The following BBS9 variants were observed in gnomAD, a reference collection of about 807,000 sequenced individuals.
BBS9 encodes protein PTHB1.
A neutral mutation model predicts 117.7 loss-of-function variants in BBS9; 89 were observed. The observed-to-expected ratio is 0.76, with a 90% CI of 0.64 to 0.90. The LOEUF (loss-of-function observed/expected upper bound fraction) is 0.90. BBS9 is among the 40% of genes least tolerant of loss of function. The probability of loss-of-function intolerance (pLI) is 0.00; values close to 1 mark genes in which losing one functional copy is unlikely to be tolerated. For synonymous variants in BBS9, 379 were observed against 370.9 expected, an observed-to-expected ratio of 1.02 and a Z score of -0.25; for missense variants, 982 against 1,042.2, an observed-to-expected ratio of 0.94 and a Z score of 0.80.
chr7:33,441,540 A>T (rs1836188232), intron 19 of BBS9, among the ~76,000 whole-genome samples: 1 of 152,214 alleles, frequency 6.6e-6, no homozygotes, highest in Non-Finnish European at 1.5e-5. Flanking sequence ...TACATAAATT[A>T]TGTCTATTTC....
chr7:33,587,332 C>A (rs779787353), intron 21 of BBS9, among the ~76,000 whole-genome samples: 16 of 152,098 alleles, frequency 1.1e-4, no homozygotes, highest in Non-Finnish European at 1.0e-4. Flanking sequence ...TTCCACAGAG[C>A]TGCTTCTTGG....
chr7:33,209,140 C>T (rs903411549), intron 5 of BBS9, among the ~76,000 whole-genome samples: 6 of 152,060 alleles, frequency 3.9e-5, no homozygotes, highest in South Asian at 2.1e-4. Context: ...TCTTTATCTC[C>T]GTGAGTTTAA....
chr7:33,505,346 G>A (rs1400053671), intron 19 of BBS9, 117 bp from the exon 20 acceptor site: 1 of 973,464 alleles, frequency 1.0e-6, no homozygotes, highest in African/African-American at 1.6e-5. Context: ...GCTTGTGTTT[G>A]TGGAAGACAA....
intron 1 of BBS9, among the ~76,000 whole-genome samples, chr7:33,137,332 G>A (rs927898411): frequency 3.3e-5 from 5 of 152,314 alleles, no homozygotes; most frequent in South Asian, 2.1e-4. Context: ...CCGGGCCCCC[G>A]ACAGTGCAGG....
chr7:33,348,320 G>A (rs920690795), intron 12 of BBS9, among the ~76,000 whole-genome samples: 1 of 152,022 alleles, frequency 6.6e-6, no homozygotes, highest in Non-Finnish European at 1.5e-5. Flanking sequence ...GCATGTAAAT[G>A]AAATAATGCA....
intron 20 of BBS9, among the ~76,000 whole-genome samples, chr7:33,510,115 T>A (rs1354656088): frequency 6.6e-6 from 1 of 152,138 alleles, no homozygotes; most frequent in Non-Finnish European, 1.5e-5. Context: ...TTGGTTCCGT[T>A]TGATAACCTA....
chr7:33,397,597 G>A (rs1828205445), intron 19 of BBS9, among the ~76,000 whole-genome samples: 1 of 152,164 alleles, frequency 6.6e-6, no homozygotes, highest in African/African-American at 2.4e-5. Context: ...AGTAGATAAA[G>A]AAAATGTGGT....
At chr7:33,419,147 C>A (rs754580105) in intron 19 of BBS9, among the ~76,000 whole-genome samples, 1 of 151,856 alleles carries the variant, frequency 6.6e-6, no homozygotes, top group Non-Finnish European at 1.5e-5. Flanking sequence ...GTAGTAAGGT[C>A]TTGAGTAACC....
chr7:33,557,965 T>C (rs1327012067), intron 21 of BBS9, among the ~76,000 whole-genome samples: 1 of 152,320 alleles, frequency 6.6e-6, no homozygotes, highest in Non-Finnish European at 1.5e-5. Flanking sequence ...TGCTAGTAGC[T>C]TACGTAGAGC....
chr7:33,372,701 A>G (rs2128724139), intron 17 of BBS9, among the ~76,000 whole-genome samples: 1 of 152,186 alleles, frequency 6.6e-6, no homozygotes, highest in East Asian at 1.9e-4. Context: ...ATTCTCTTTG[A>G]TATTTTGGAA....
At chr7:33,146,162 C>A (rs1471568617) in intron 1 of BBS9, 80 bp from the exon 2 acceptor site, 21 of 978,190 alleles carry the variant, frequency 2.1e-5, no homozygotes, top group Non-Finnish European at 6.5e-6. Context: ...CAGATCTGTC[C>A]AAGTTTAATT....
intron 9 of BBS9, among the ~76,000 whole-genome samples, chr7:33,302,221 G>T (rs1013960649): frequency 3.9e-5 from 6 of 152,110 alleles, no homozygotes; most frequent in Non-Finnish European, 8.8e-5. Flanking sequence ...CTCCCATTCT[G>T]TGGGTTGTCT....
At chr7:33,217,221 TAA>T (rs1376320243) in intron 5 of BBS9, among the ~76,000 whole-genome samples, 3 of 151,736 alleles carry the variant, frequency 2.0e-5, no homozygotes, top group Non-Finnish European at 4.4e-5. Context: ...TGTATTTAAA[TAA>T]ATATATATAT....
At chr7:33,599,551 C>T (rs537091229) in intron 21 of BBS9, among the ~76,000 whole-genome samples, 1 of 152,238 alleles carries the variant, frequency 6.6e-6, no homozygotes, top group South Asian at 2.1e-4. Context: ...GGGCCATATA[C>T]ATAATTTGAT....
At chr7:33,171,006 A>T (rs1372431238) in intron 4 of BBS9, among the ~76,000 whole-genome samples, 1 of 149,828 alleles carries the variant, frequency 6.7e-6, no homozygotes, top group Non-Finnish European at 1.5e-5. Flanking sequence ...AAGAATCAAT[A>T]TCATGAAAAT....
intron 5 of BBS9, among the ~76,000 whole-genome samples, chr7:33,227,695 GACAACATACGATA>G (rs1213901196): frequency 5.9e-5 from 9 of 152,046 alleles, no homozygotes; most frequent in Non-Finnish European, 1.3e-4. Flanking sequence ...ACTTATGAGT[GACAACATACGATA>G]TTTGGTTTTC....
intron 9 of BBS9, among the ~76,000 whole-genome samples, chr7:33,276,541 G>T (rs972135168): frequency 6.6e-6 from 1 of 152,154 alleles, no homozygotes; most frequent in African/African-American, 2.4e-5. Flanking sequence ...TTGCTCTTTG[G>T]CTGTCAGATC....
chr7:33,274,730 C>T (rs1352608741), intron 9 of BBS9, among the ~76,000 whole-genome samples: 1 of 152,132 alleles, frequency 6.6e-6, no homozygotes, highest in African/African-American at 2.4e-5. Context: ...CACAGTGGCT[C>T]ACGCCTGTAA....
In BBS9 at chr7:33,360,306, A is replaced by G. The variant is rs187171443; in HGVS notation, c.1693+2311A>G. Among the ~76,000 whole-genome samples the G allele has an allele frequency of 5.0e-3, 757 of 152,250 alleles. 10 individuals carry two copies. The highest frequency in any genetic ancestry group is 0.017 in the African/African-American group (714 of 41,566). On this transcript the variant is annotated intron_variant, in intron 16 of 22. Transcript: ENST00000242067. ...TCAGAATGTTTTTAAAACTTCTGAA[A>G]TATAGTGTGAAATTGACTTCCTTAA...
Sources: allele counts gnomAD v4.1 joint callset (sites outside exome capture counted in the v4.1 genomes callset), GRCh38; gene constraint gnomAD v4.1.1; transcripts MANE v1.5; gene names NCBI Gene and HGNC (gene_info 2026-07-23, HGNC 2026-07-21).